Variants in CORO2B observed in about 807,000 individuals in gnomAD.
The protein encoded by CORO2B is coronin-2B.
CORO2B carries 26 observed loss-of-function variants against 58.8 expected under a neutral mutation model. The observed-to-expected ratio is 0.44, with a 90% CI of 0.32 to 0.61. CORO2B has a LOEUF of 0.61. CORO2B is among the 20% of genes least tolerant of loss of function. The pLI is 0.04. For synonymous variants in CORO2B, 242 were observed against 253.8 expected (o/e 0.95, Z 0.44); for missense variants, 460 against 645.1 (o/e 0.71, Z 3.11).
chr15:68,699,600 G>T (rs1343966425), intron 3 of CORO2B, among the ~76,000 whole-genome samples: 1 of 152,128 alleles, frequency 6.6e-6, no homozygotes, highest in Admixed American at 6.6e-5. Flanking sequence ...TGCCAGGCCA[G>T]CTGCCCCAGA....
chr15:68,664,622 G>T (rs1261505410), intron 2 of CORO2B, among the ~76,000 whole-genome samples: 8 of 152,088 alleles, frequency 5.3e-5, no homozygotes, highest in Admixed American at 1.3e-4. Flanking sequence ...ACTCCAGCCT[G>T]AGGGACAGAG....
At chr15:68,537,555 G>A in the CORO2B span, among the ~76,000 whole-genome samples, 2 of 152,054 alleles carry the variant, frequency 1.3e-5, no homozygotes, top group Admixed American at 6.5e-5. Context: ...GTAGGTAAAT[G>A]TGTGCTATGG....
rs1421579028 is a variant in CORO2B, at chr15:68,691,221, C to T, written c.217-3919C>T. Among the ~76,000 whole-genome samples the T allele has an allele frequency of 2.7e-5, 4 of 149,078 alleles. No individual in the cohort carries two copies. The East Asian group carries it at 8.0e-4, about 30-fold the overall frequency. On this transcript the variant is annotated intron_variant, in intron 2 of 11. Transcript: ENST00000261861. The stretch of plus-strand genomic sequence containing the variant: ...GCGGGCGCCTGTGGTCTCAGCTACT[C>T]GGGAGGCTGAGGCAGGAGAATGGCG...
intron 1 of CORO2B, among the ~76,000 whole-genome samples, chr15:68,582,827 C>T (rs551316688): frequency 2.4e-4 from 36 of 152,232 alleles, no homozygotes; most frequent in South Asian, 1.0e-3. Context: ...AGTGACCAGG[C>T]TCCCCTATTT....
At chr15:68,721,374 G>A (rs1893155524) in intron 11 of CORO2B, among the ~76,000 whole-genome samples, 1 of 152,148 alleles carries the variant, frequency 6.6e-6, no homozygotes, top group East Asian at 1.9e-4. Flanking sequence ...TGAGGAAAGT[G>A]GTGCAGTGTA....
intron 11 of CORO2B, among the ~76,000 whole-genome samples, chr15:68,721,695 A>G (rs1314247054): frequency 6.6e-6 from 1 of 152,068 alleles, no homozygotes; most frequent in Non-Finnish European, 1.5e-5. Context: ...CTTTCTATTA[A>G]TATAGATATA....
chr15:68,541,134 A>T, the CORO2B span, among the ~76,000 whole-genome samples: 1 of 151,892 alleles, frequency 6.6e-6, no homozygotes, highest in Non-Finnish European at 1.5e-5. Context: ...ACTCGGGAGG[A>T]TGAGGTGGGA....
chr15:68,571,353 T>A, the CORO2B span, among the ~76,000 whole-genome samples: 94 of 152,262 alleles, frequency 6.2e-4, no homozygotes, highest in African/African-American at 2.1e-3. Context: ...TACAAATAGA[T>A]CCCTAAGAGC....
intron 1 of CORO2B, among the ~76,000 whole-genome samples, chr15:68,580,832 G>T (rs1479897670): frequency 1.3e-5 from 2 of 152,136 alleles, no homozygotes; most frequent in Non-Finnish European, 2.9e-5. Flanking sequence ...CCTCCCCTGT[G>T]TCTCTTTTTG....
chr15:68,613,490 A>G (rs1435153353), intron 1 of CORO2B, among the ~76,000 whole-genome samples: 1 of 152,210 alleles, frequency 6.6e-6, no homozygotes, highest in Admixed American at 6.5e-5. Context: ...TTGAAGGACC[A>G]GTCTTCAGTC....
the CORO2B span, among the ~76,000 whole-genome samples, chr15:68,528,454 G>T: frequency 6.6e-6 from 1 of 151,918 alleles, no homozygotes; most frequent in Non-Finnish European, 1.5e-5. Flanking sequence ...ATTAACTTTT[G>T]GATATCAAAT....
intron 2 of CORO2B, among the ~76,000 whole-genome samples, chr15:68,658,115 T>G (rs1901880867): frequency 6.6e-6 from 1 of 152,240 alleles, no homozygotes; most frequent in African/African-American, 2.4e-5. Flanking sequence ...TAGGCCTCAG[T>G]TTCCCCATCT....
intron 1 of CORO2B, among the ~76,000 whole-genome samples, chr15:68,641,225 G>T (rs778537194): frequency 1.3e-5 from 2 of 152,200 alleles, no homozygotes; most frequent in African/African-American, 4.8e-5. Context: ...CGGGGAACAC[G>T]CTGAGTGGGA....
At chr15:68,709,865 A>T (rs1275282621) in intron 3 of CORO2B, among the ~76,000 whole-genome samples, 1 of 149,468 alleles carries the variant, frequency 6.7e-6, no homozygotes, top group Admixed American at 6.7e-5. Flanking sequence ...AGTAGGTGAA[A>T]CAGGGCAGGG....
intron 2 of CORO2B, among the ~76,000 whole-genome samples, chr15:68,668,877 G>C (rs865822105): frequency 6.6e-6 from 1 of 152,166 alleles, no homozygotes; most frequent in South Asian, 2.1e-4. Context: ...TCAGGAGTTC[G>C]AGACTAGCCT....
rs551725198 is a variant in CORO2B, at chr15:68,640,869, T to G, written c.16-4291T>G. Among the ~76,000 whole-genome samples, 4 of 152,292 alleles carry G rather than the reference T, an allele frequency of 2.6e-5. No homozygotes were observed. The East Asian group carries it at 7.7e-4, about 29-fold the overall frequency. The stretch of plus-strand genomic sequence containing the variant: ...GGGGTAGAGGAGGAGGAGCAACTGG[T>G]GCTTGGAGCAGCAAAGTGTCTTTCC... On this transcript the variant is annotated intron_variant, in intron 1 of 11. Coordinates refer to ENST00000261861, the MANE Select transcript of CORO2B (RefSeq NM_006091.5).
chr15:68,688,276 G>GT (rs2140307812), intron 2 of CORO2B, among the ~76,000 whole-genome samples: 1 of 152,240 alleles, frequency 6.6e-6, no homozygotes, highest in South Asian at 2.1e-4. Flanking sequence ...CTATTCAGAT[G>GT]TTGTCACTAT....
the CORO2B span, among the ~76,000 whole-genome samples, chr15:68,532,392 C>T: frequency 1.0e-3 from 152 of 152,242 alleles, no homozygotes; most frequent in African/African-American, 3.6e-3. Context: ...TGCCGTGTCT[C>T]CAACTTCATG....
At chr15:68,578,874 C>G, upstream of CORO2B, 3 of 341,494 alleles carry the variant, frequency 8.8e-6, no homozygotes, top group Non-Finnish European at 1.2e-5. This position sits in a 1 kb window ranked among gnomAD's most constrained non-coding sequence, Gnocchi z 4.2. Flanking sequence ...GCTCGGGGCA[C>G]GGCCGCTGGC....
Sources: allele counts gnomAD v4.1 joint callset (sites outside exome capture counted in the v4.1 genomes callset), GRCh38; gene constraint gnomAD v4.1.1; non-coding constraint Gnocchi (gnomAD v3.1); transcripts MANE v1.5; gene names NCBI Gene and HGNC (gene_info 2026-07-23, HGNC 2026-07-21).